The following ADARB2 variants were observed in gnomAD, a reference collection of about 807,000 sequenced individuals.
The protein encoded by ADARB2 is adenosine deaminase RNA specific B2 (inactive).
ADARB2 carries 25 observed loss-of-function variants against 62.2 expected under a neutral mutation model. That is an observed-to-expected ratio of 0.40 (90% CI 0.29 to 0.56). The LOEUF is 0.56. Ranked by LOEUF, ADARB2 falls within the 20% of genes least tolerant of loss-of-function variation. The probability of loss-of-function intolerance (pLI) is 0.43; values close to 1 mark genes in which losing one functional copy is unlikely to be tolerated. For synonymous variants in ADARB2, 572 were observed against 500.8 expected (o/e 1.14, Z -1.90); for missense variants, 1,071 against 1,077.4 (o/e 0.99, Z 0.08).
intron 1 of ADARB2, among the ~76,000 whole-genome samples, chr10:1,633,286 C>G (rs1833865044): frequency 6.6e-6 from 1 of 152,134 alleles, no homozygotes; most frequent in Admixed American, 6.5e-5. Flanking sequence ...CATAATAAAC[C>G]TCCCCATACA....
intron 3 of ADARB2, 61 bp from the exon 4 acceptor site, chr10:1,271,130 G>C: frequency 7.3e-7 from 1 of 1,368,702 alleles, no homozygotes; most frequent in Non-Finnish European, 1.0e-6. Flanking sequence ...AGGATGATGG[G>C]GCACTGTCCT....
chr10:1,228,904 T>G (rs189167363), intron 6 of ADARB2, among the ~76,000 whole-genome samples: 1 of 152,224 alleles, frequency 6.6e-6, no homozygotes, highest in East Asian at 1.9e-4. Context: ...GAAGAGATGA[T>G]TTAAGGAGTT....
chr10:1,593,345 T>C (rs769471797), intron 1 of ADARB2, among the ~76,000 whole-genome samples: 14,925 of 122,160 alleles, frequency 0.12, 2,117 homozygotes, highest in Non-Finnish European at 0.16. Context: ...CAAACCACAC[T>C]CTGTAGGTCT....
chr10:1,507,696 A>C (rs2131942422), intron 1 of ADARB2, among the ~76,000 whole-genome samples: 1 of 152,290 alleles, frequency 6.6e-6, no homozygotes, highest in African/African-American at 2.4e-5. Context: ...ATGGAGGGGC[A>C]GGGTGCTGTC....
At chr10:1,201,856 AC>A (rs376044891) in intron 7 of ADARB2, among the ~76,000 whole-genome samples, 116 of 45,836 alleles carry the variant, frequency 2.5e-3, no homozygotes, top group Admixed American at 4.8e-3. Context: ...GTCACTGAGG[AC>A]CCTTCATTCC....
chr10:1,642,425 C>T (rs4880895), intron 1 of ADARB2, among the ~76,000 whole-genome samples: 1 of 151,958 alleles, frequency 6.6e-6, no homozygotes, highest in Admixed American at 6.5e-5. Flanking sequence ...TAAACATCGT[C>T]AACAGCAGAG....
At chr10:1,291,213 A>C (rs1299414266) in intron 3 of ADARB2, 1 of 152,244 alleles carries the variant, frequency 6.6e-6, no homozygotes. Flanking sequence ...ATCACCAGGG[A>C]GGCTGATGTT....
intron 3 of ADARB2, among the ~76,000 whole-genome samples, chr10:1,314,846 C>T (rs1468500401): frequency 3.3e-5 from 5 of 152,178 alleles, no homozygotes; most frequent in Admixed American, 6.5e-5. Flanking sequence ...GCTCTGAACA[C>T]TGTGGGGTTC....
intron 3 of ADARB2, among the ~76,000 whole-genome samples, chr10:1,286,808 G>GGGTGTT (rs1214563616): frequency 6.6e-5 from 10 of 152,154 alleles, no homozygotes; most frequent in African/African-American, 2.4e-4. Flanking sequence ...GGTGTCATAG[G>GGGTGTT]GGTGTTAGGA....
chr10:1,720,005 G>A (rs1279496849), intron 1 of ADARB2, among the ~76,000 whole-genome samples: 6 of 152,186 alleles, frequency 3.9e-5, no homozygotes, highest in South Asian at 2.1e-4. Flanking sequence ...ATTCAACCCA[G>A]CAGTCACATT....
At chr10:1,424,607 T>G (rs971817241) in intron 1 of ADARB2, among the ~76,000 whole-genome samples, 2 of 152,058 alleles carry the variant, frequency 1.3e-5, no homozygotes, top group African/African-American at 4.8e-5. Context: ...CCACGGAAGC[T>G]TGGTGCTTTG....
chr10:1,302,317 C>T (rs1358954815), intron 3 of ADARB2, among the ~76,000 whole-genome samples: 16 of 152,294 alleles, frequency 1.1e-4, no homozygotes, highest in African/African-American at 3.6e-4. Context: ...TGCGCTTTTC[C>T]GACGGGCTTA....
chr10:1,703,989 T>A (rs535841173), intron 1 of ADARB2, among the ~76,000 whole-genome samples: 3 of 152,254 alleles, frequency 2.0e-5, no homozygotes, highest in African/African-American at 7.2e-5. Context: ...AGTTTGTTTA[T>A]TGGATGCTAC....
intron 1 of ADARB2, among the ~76,000 whole-genome samples, chr10:1,497,107 C>G (rs1420833590): frequency 6.6e-6 from 1 of 152,110 alleles, no homozygotes; most frequent in Non-Finnish European, 1.5e-5. Context: ...TTCTATAAGC[C>G]TAAGTCGTCA....
At chr10:1,628,776 G>A (rs1388791902) in intron 1 of ADARB2, among the ~76,000 whole-genome samples, 2 of 152,228 alleles carry the variant, frequency 1.3e-5, no homozygotes, top group Non-Finnish European at 2.9e-5. Flanking sequence ...TTTCTCTTCT[G>A]GAAACTATGG....
intron 1 of ADARB2, among the ~76,000 whole-genome samples, chr10:1,703,540 G>A (rs1446609748): frequency 7.9e-5 from 12 of 152,152 alleles, no homozygotes; most frequent in African/African-American, 2.9e-4. Flanking sequence ...GACGATGCAA[G>A]AACTGGAAAG....
At chr10:1,658,763 G>C (rs545037209) in intron 1 of ADARB2, among the ~76,000 whole-genome samples, 1 of 152,360 alleles carries the variant, frequency 6.6e-6, no homozygotes, top group South Asian at 2.1e-4. Flanking sequence ...TTTGAAGCAA[G>C]AGCCTCAGAT....
chr10:1,448,261 C>T (rs147938638), intron 1 of ADARB2, among the ~76,000 whole-genome samples: 1 of 152,160 alleles, frequency 6.6e-6, no homozygotes, highest in South Asian at 2.1e-4. Flanking sequence ...CTGACAGGCT[C>T]TCTCTACCTC....
chr10:1,622,061 C>T (rs907931584), intron 1 of ADARB2, among the ~76,000 whole-genome samples: 1 of 152,206 alleles, frequency 6.6e-6, no homozygotes, highest in Non-Finnish European at 1.5e-5. Flanking sequence ...CCATGGGCAA[C>T]TAATTCCTCC....
Sources: gnomAD v4.1 joint callset for allele counts (sites outside exome capture counted in the v4.1 genomes callset) on GRCh38, gnomAD v4.1.1 for gene constraint, MANE v1.5 for transcripts, NCBI Gene and HGNC (gene_info 2026-07-23, HGNC 2026-07-21) for gene names.